The following CTNNA3 variants were observed in gnomAD, a reference collection of about 807,000 sequenced individuals.
CTNNA3 encodes the protein catenin alpha-3.
In CTNNA3, 76 loss-of-function variants were observed where a neutral mutation model predicts 95.7. That is an observed-to-expected ratio of 0.79 (90% CI 0.66 to 0.96). CTNNA3 has a LOEUF of 0.96. CTNNA3 is among the 40% of genes least tolerant of loss of function. CTNNA3 has a pLI of 0.00. For missense variants in CTNNA3, 1,191 were observed against 1,089.8 expected, an observed-to-expected ratio of 1.09 and a Z score of -1.31; for synonymous variants, 431 against 374.4, an observed-to-expected ratio of 1.15 and a Z score of -1.74.
intron 5 of CTNNA3, among the ~76,000 whole-genome samples, chr10:67,356,166 A>C (rs1351430800): frequency 1.3e-5 from 2 of 151,984 alleles, no homozygotes; most frequent in Non-Finnish European, 2.9e-5. Context: ...AAAGTCCCTC[A>C]TGTTCTATCT....
chr10:67,465,568 G>A (rs979408461), intron 5 of CTNNA3, among the ~76,000 whole-genome samples: 1 of 152,190 alleles, frequency 6.6e-6, no homozygotes, highest in African/African-American at 2.4e-5. Context: ...TTCAAAAAAG[G>A]GTCCACAGCC....
chr10:66,523,622 G>T (rs1841147824), intron 10 of CTNNA3, among the ~76,000 whole-genome samples: 1 of 151,824 alleles, frequency 6.6e-6, no homozygotes, highest in Non-Finnish European at 1.5e-5. Context: ...GAGGCATTTT[G>T]TTTCTTTAAA....
At chr10:66,515,532 T>TCA (rs1025681580) in intron 11 of CTNNA3, among the ~76,000 whole-genome samples, 26 of 152,012 alleles carry the variant, frequency 1.7e-4, no homozygotes, top group African/African-American at 6.3e-4. Context: ...AAACAACATA[T>TCA]CACTCTAAAA....
chr10:67,430,582 G>A (rs1846076826), intron 5 of CTNNA3, among the ~76,000 whole-genome samples: 1 of 151,738 alleles, frequency 6.6e-6, no homozygotes, highest in Admixed American at 6.6e-5. Context: ...GAGATAATAG[G>A]AAAATGGTTA....
At chr10:66,487,218 TTG>T in intron 11 of CTNNA3, among the ~76,000 whole-genome samples, 1 of 96,574 alleles carries the variant, frequency 1.0e-5, no homozygotes, top group African/African-American at 3.8e-5. Flanking sequence ...TTTTTTTTTT[TTG>T]AGACGGAATC....
At chr10:66,526,846 T>C (rs923862892) in intron 10 of CTNNA3, among the ~76,000 whole-genome samples, 3 of 152,192 alleles carry the variant, frequency 2.0e-5, no homozygotes, top group Admixed American at 2.0e-4. Context: ...TATTAATCTC[T>C]GATCATATAT....
chr10:67,659,107 AG>A (rs1014829865), intron 1 of CTNNA3, among the ~76,000 whole-genome samples: 1 of 151,850 alleles, frequency 6.6e-6, no homozygotes, highest in African/African-American at 2.4e-5. Context: ...GCAGCAAAAA[AG>A]GTAAAAAAAA....
chr10:66,933,900 C>T (rs1195256100), intron 7 of CTNNA3, among the ~76,000 whole-genome samples: 1 of 152,176 alleles, frequency 6.6e-6, no homozygotes, highest in East Asian at 1.9e-4. Flanking sequence ...CAGACTGTTC[C>T]TCTTTGACAG....
In CTNNA3 at chr10:67,180,367, T is replaced by C; in HGVS notation, c.997A>G (p.Asn333Asp). The change falls in exon 7 of 18, where the codon AAC becomes GAC. Residue 333 changes from asparagine (N) to aspartate (D), a missense_variant. By Grantham distance (23) the Asn-to-Asp change is conservative. Coordinates refer to ENST00000433211, the MANE Select transcript of CTNNA3 (RefSeq NM_013266.4). ...TCCTGAAGAGCCTGGCGAATGGCGT[T>C]GCATTCTGCGATAATCCGCTCTCGG... The part of the protein sequence containing the change: ...LHRERIIAEC[N>D]AIRQALQDLL... The C allele has an allele frequency of 6.2e-7, 1 of 1,613,694 alleles. No individual in the cohort carries two copies. The highest frequency in any genetic ancestry group is 8.5e-7 in the Non-Finnish European group (1 of 1,179,852).
intron 15 of CTNNA3, among the ~76,000 whole-genome samples, chr10:66,028,365 A>G (rs2079382614): frequency 6.6e-6 from 1 of 152,240 alleles, no homozygotes; most frequent in South Asian, 2.1e-4. Context: ...ACAATGATAG[A>G]CTGGATTAAG....
At chr10:67,071,263 G>T (rs887134627) in intron 7 of CTNNA3, among the ~76,000 whole-genome samples, 5 of 149,214 alleles carry the variant, frequency 3.4e-5, no homozygotes, top group Non-Finnish European at 3.0e-5. Flanking sequence ...AATTCCCTTT[G>T]GTATTCCTTT....
intron 1 of CTNNA3, among the ~76,000 whole-genome samples, chr10:67,707,599 A>G (rs1320853151): frequency 6.6e-6 from 1 of 151,872 alleles, no homozygotes; most frequent in African/African-American, 2.4e-5. Context: ...TAATTTGTTT[A>G]GTTATTCTGT....
chr10:67,142,624 C>T (rs1860626928), intron 7 of CTNNA3, among the ~76,000 whole-genome samples: 1 of 152,118 alleles, frequency 6.6e-6, no homozygotes, highest in African/African-American at 2.4e-5. Flanking sequence ...AAAAAATGTA[C>T]GTACCTTATT....
At chr10:66,974,628 T>C (rs981072194) in intron 7 of CTNNA3, among the ~76,000 whole-genome samples, 1 of 152,236 alleles carries the variant, frequency 6.6e-6, no homozygotes, top group Non-Finnish European at 1.5e-5. Context: ...CCATCAGTAA[T>C]GTATAAGAGT....
At chr10:66,909,439 G>A (rs763280256) in intron 7 of CTNNA3, among the ~76,000 whole-genome samples, 17 of 152,054 alleles carry the variant, frequency 1.1e-4, no homozygotes, top group Non-Finnish European at 1.9e-4. Flanking sequence ...GAACCCAGAG[G>A]TGGAGGTTGT....
At chr10:66,756,160 A>C (rs989206511) in intron 9 of CTNNA3, among the ~76,000 whole-genome samples, 1 of 152,158 alleles carries the variant, frequency 6.6e-6, no homozygotes, top group Admixed American at 6.6e-5. Flanking sequence ...TGATCTGACT[A>C]GACCAATAGC....
At chr10:66,914,280 G>A (rs775379624) in intron 7 of CTNNA3, among the ~76,000 whole-genome samples, 1 of 151,896 alleles carries the variant, frequency 6.6e-6, no homozygotes, top group Non-Finnish European at 1.5e-5. Flanking sequence ...ACAGGCACCT[G>A]CTACCACGGC....
intron 3 of CTNNA3, among the ~76,000 whole-genome samples, chr10:67,596,993 G>T (rs143842964): frequency 8.1e-4 from 124 of 152,164 alleles, no homozygotes; most frequent in Non-Finnish European, 4.7e-4. Context: ...ATCTGACTGA[G>T]TTGTTTCAAA....
chr10:67,667,754 G>T (rs3125320), intron 1 of CTNNA3, among the ~76,000 whole-genome samples: 34,449 of 151,794 alleles, frequency 0.23, 7,854 homozygotes, highest in African/African-American at 0.59. Context: ...ACAATAGCCA[G>T]GTAAATATCA....
Sources: gnomAD v4.1 joint callset for allele counts (sites outside exome capture counted in the v4.1 genomes callset) on GRCh38, gnomAD v4.1.1 for gene constraint, MANE v1.5 for transcripts, NCBI Gene and HGNC (gene_info 2026-07-23, HGNC 2026-07-21) for gene names.